The following CCDC178 variants were observed in gnomAD, a reference collection of about 807,000 sequenced individuals.
CCDC178 encodes coiled-coil domain containing 178, also known as coiled-coil domain-containing protein 178.
A neutral mutation model predicts 117.4 loss-of-function variants in CCDC178; 126 were observed. The ratio of observed to expected loss-of-function variants is 1.07; its 90% CI spans 0.93 to 1.24. CCDC178 has a LOEUF of 1.24. Among genes scored for constraint, CCDC178 ranks in the 50% most tolerant of loss-of-function variants. The pLI is 0.00. For missense variants in CCDC178, 1,030 were observed against 986.9 expected (o/e 1.04, Z -0.59); for synonymous variants, 283 against 313.4 (o/e 0.90, Z 1.02).
At chr18:33,082,014 A>G (rs2057305406) in intron 21 of CCDC178, among the ~76,000 whole-genome samples, 2 of 152,216 alleles carry the variant, frequency 1.3e-5, no homozygotes, top group East Asian at 1.9e-4. Flanking sequence ...ACAAACTCTT[A>G]AAGGGTCAGA....
intron 20 of CCDC178, among the ~76,000 whole-genome samples, chr18:33,103,549 T>C (rs2057660970): frequency 6.6e-6 from 1 of 150,452 alleles, no homozygotes; most frequent in East Asian, 2.0e-4. Context: ...ACACAGCCAA[T>C]CAACAGTCAC....
chr18:33,373,084 T>A lies in CCDC178; in HGVS notation c.209-2895A>T, dbSNP rs182577118. Among the ~76,000 whole-genome samples, 809 of 152,318 alleles carry A rather than the reference T, an allele frequency of 5.3e-3. 5 individuals carry two copies. The highest frequency in any genetic ancestry group is 8.4e-3 in the Non-Finnish European group (570 of 68,006). ...TGCAAAGACTCTTTCATGATGAACATAAAGCATCTTTAATCTTTTATGGAA... is the reference window on the plus strand; with the variant it reads ...TGCAAAGACTCTTTCATGATGAACAAAAAGCATCTTTAATCTTTTATGGAA... On this transcript the variant is annotated intron_variant, in intron 5 of 22. Transcript: ENST00000383096.
intron 18 of CCDC178, 56 bp from the exon 19 acceptor site, chr18:33,215,751 G>A (rs542672484): frequency 2.3e-6 from 3 of 1,285,402 alleles, no homozygotes; most frequent in Non-Finnish European, 3.2e-6. Flanking sequence ...TCAAATCCCT[G>A]CTATTTAGGA....
At chr18:33,396,262 G>T (rs1295719200) in intron 4 of CCDC178, among the ~76,000 whole-genome samples, 1 of 152,048 alleles carries the variant, frequency 6.6e-6, no homozygotes. Flanking sequence ...TTGCTACATA[G>T]TATGGGGATT....
At chr18:33,031,385 T>C (rs1025674460) in intron 21 of CCDC178, among the ~76,000 whole-genome samples, 7 of 152,044 alleles carry the variant, frequency 4.6e-5, no homozygotes, top group Admixed American at 2.6e-4. Flanking sequence ...TAGCTAGGAA[T>C]ACAGGTGCAT....
intron 22 of CCDC178, among the ~76,000 whole-genome samples, chr18:32,939,870 T>C (rs1413892505): frequency 2.6e-5 from 4 of 152,130 alleles, no homozygotes; most frequent in Non-Finnish European, 4.4e-5. Flanking sequence ...CCATTATAAA[T>C]ATATAGATAG....
chr18:33,325,131 G>C (rs920600571), intron 10 of CCDC178, among the ~76,000 whole-genome samples: 1 of 151,720 alleles, frequency 6.6e-6, no homozygotes. Flanking sequence ...TACCTGATTT[G>C]TTCCTATTAT....
chr18:33,247,399 T>C (rs150386040), intron 14 of CCDC178, among the ~76,000 whole-genome samples: 198 of 151,786 alleles, frequency 1.3e-3, no homozygotes, highest in African/African-American at 4.6e-3. Flanking sequence ...AATAGATAGA[T>C]GGGGAAGACA....
chr18:32,952,772 C>CTTTT (rs112669320), intron 22 of CCDC178, among the ~76,000 whole-genome samples: 1 of 130,068 alleles, frequency 7.7e-6, no homozygotes, highest in Non-Finnish European at 1.6e-5. Flanking sequence ...ATTTTATAAA[C>CTTTT]TTTTTTTTTT....
chr18:33,314,230 A>AAAAG, intron 11 of CCDC178, among the ~76,000 whole-genome samples: 1 of 144,462 alleles, frequency 6.9e-6, no homozygotes, highest in Non-Finnish European at 1.5e-5. Context: ...AAAAAAAAAA[A>AAAAG]AAAGAAATTG....
intron 5 of CCDC178, among the ~76,000 whole-genome samples, chr18:33,379,940 C>T (rs2063419843): frequency 6.6e-6 from 1 of 152,160 alleles, no homozygotes; most frequent in Non-Finnish European, 1.5e-5. Flanking sequence ...TTTTGAATGC[C>T]TGGAGAACTG....
intron 9 of CCDC178, among the ~76,000 whole-genome samples, chr18:33,336,688 T>C (rs533296375): frequency 1.1e-4 from 16 of 152,202 alleles, no homozygotes; most frequent in East Asian, 7.7e-4. Context: ...TATTTATAGA[T>C]AGCCTACCCA....
intron 12 of CCDC178, among the ~76,000 whole-genome samples, chr18:33,288,658 C>T (rs955258844): frequency 1.1e-4 from 17 of 151,776 alleles, no homozygotes; most frequent in Non-Finnish European, 1.5e-5. Context: ...TTATAAGCGC[C>T]AGCATAGGGG....
At chr18:33,088,673 T>C (rs573476308) in intron 21 of CCDC178, among the ~76,000 whole-genome samples, 4 of 152,232 alleles carry the variant, frequency 2.6e-5, no homozygotes, top group African/African-American at 7.2e-5. Flanking sequence ...TCAGAAGTAT[T>C]CCCTAGAGGC....
At chr18:33,405,905 G>A (rs2063773541) in intron 3 of CCDC178, among the ~76,000 whole-genome samples, 1 of 152,098 alleles carries the variant, frequency 6.6e-6, no homozygotes, top group Non-Finnish European at 1.5e-5. Flanking sequence ...GGTGTTGGGT[G>A]TGGAGTGGGA....
chr18:32,951,498 TACTC>T (rs947614134), intron 22 of CCDC178, among the ~76,000 whole-genome samples: 6 of 152,130 alleles, frequency 3.9e-5, no homozygotes, highest in Admixed American at 2.0e-4. Flanking sequence ...TGTGAGAACT[TACTC>T]ACTATCATGA....
intron 3 of CCDC178, among the ~76,000 whole-genome samples, chr18:33,408,746 T>C (rs895440056): frequency 2.6e-5 from 4 of 152,128 alleles, no homozygotes; most frequent in South Asian, 2.1e-4. Context: ...ACAGAAAACA[T>C]GTTATGGAAA....
intron 22 of CCDC178, among the ~76,000 whole-genome samples, chr18:32,959,695 A>G (rs996973665): frequency 2.0e-5 from 3 of 152,014 alleles, no homozygotes; most frequent in Admixed American, 6.6e-5. Flanking sequence ...TCTCACATCA[A>G]AGCAGCATCA....
intron 20 of CCDC178, among the ~76,000 whole-genome samples, chr18:33,148,867 C>T (rs935905946): frequency 6.6e-5 from 10 of 152,128 alleles, no homozygotes; most frequent in South Asian, 2.1e-4. Flanking sequence ...AAGGGTCAAC[C>T]GTCGCAGTGA....
Sources: gnomAD v4.1 joint callset for allele counts (sites outside exome capture counted in the v4.1 genomes callset) on GRCh38, gnomAD v4.1.1 for gene constraint, MANE v1.5 for transcripts, NCBI Gene and HGNC (gene_info 2026-07-23, HGNC 2026-07-21) for gene names.